MOK: variants seen among roughly 807,000 people sequenced by gnomAD.
MOK encodes MAPK/MAK/MRK overlapping kinase.
Under a neutral mutation model 54.2 loss-of-function variants are expected in MOK, and 59 were observed. The observed-to-expected ratio is 1.09, with a 90% CI of 0.88 to 1.35. The LOEUF (loss-of-function observed/expected upper bound fraction) is 1.35, where lower values mean the gene tolerates loss of function less well. Ranked by LOEUF, MOK falls within the 40% of genes most tolerant of loss-of-function variation. The probability of loss-of-function intolerance (pLI) is 0.00; values close to 1 mark genes in which losing one functional copy is unlikely to be tolerated. For missense variants in MOK, 517 were observed against 526.2 expected (o/e 0.98, Z 0.17); for synonymous variants, 210 against 202.7 (o/e 1.04, Z -0.31).
At chr14:102,234,566 C>T (rs1452264369) in intron 7 of MOK, among the ~76,000 whole-genome samples, 1 of 152,086 alleles carries the variant, frequency 6.6e-6, no homozygotes, top group Non-Finnish European at 1.5e-5. Flanking sequence ...GGAAAGGGGA[C>T]GTCACCGGCA....
chr14:102,300,937 A>C (rs1270153219), intron 1 of MOK, among the ~76,000 whole-genome samples: 1 of 152,088 alleles, frequency 6.6e-6, no homozygotes, highest in Non-Finnish European at 1.5e-5. Context: ...TCTCTACTCA[A>C]AATATAAAAA....
chr14:102,217,286 T>G, the MOK span, among the ~76,000 whole-genome samples: 1 of 152,192 alleles, frequency 6.6e-6, no homozygotes, highest in African/African-American at 2.4e-5. Context: ...GGGATCACGA[T>G]GAAGGCCCAC....
intron 2 of MOK, among the ~76,000 whole-genome samples, chr14:102,278,278 T>C (rs888923078): frequency 2.6e-5 from 4 of 151,834 alleles, no homozygotes; most frequent in Non-Finnish European, 4.4e-5. Context: ...GGTGGAGGTA[T>C]AGATTAAATA....
In MOK at chr14:102,232,172, C is replaced by T. The variant is rs890981900; in HGVS notation, c.867-351G>A. On this transcript the variant is annotated intron_variant, in intron 9 of 11. Transcript: ENST00000361847. This position sits in a 1 kb window ranked among gnomAD's most constrained non-coding sequence, Gnocchi z 5.1. ...ATTCACATTCAGCAGGTACTTCCAG[C>T]GCCAGGTGACATCCACAGTGCTCTA... is the stretch of plus-strand genomic sequence containing the variant. 6 of 328,902 alleles carry T rather than the reference C, an allele frequency of 1.8e-5. No individual in the cohort carries two copies. The highest frequency in any genetic ancestry group is 5.2e-5 in the East Asian group (1 of 19,260). The allele number at this position is 328,902 out of a possible 1,614,324, so 20.4% of individuals were successfully genotyped here. A position where few individuals can be genotyped will look rare whatever the true frequency, so the allele number is the denominator to read the frequency against.
intron 1 of MOK, among the ~76,000 whole-genome samples, chr14:102,295,970 G>GCAA (rs2071375719): frequency 6.6e-6 from 1 of 152,100 alleles, no homozygotes; most frequent in East Asian, 1.9e-4. Context: ...ACCTGGCTAG[G>GCAA]CATAGTGGCT....
At chr14:102,288,359 G>T (rs553809448) in intron 1 of MOK, among the ~76,000 whole-genome samples, 2 of 152,314 alleles carry the variant, frequency 1.3e-5, no homozygotes, top group African/African-American at 4.8e-5. Flanking sequence ...GCCATGAAAA[G>T]GAATGAAGTA....
intron 2 of MOK, chr14:102,280,868 C>T (rs991461464): frequency 6.6e-6 from 1 of 152,240 alleles, no homozygotes; most frequent in African/African-American, 2.4e-5. Context: ...GAGCGTTCTT[C>T]ACCCGCTAGA....
intron 4 of MOK, among the ~76,000 whole-genome samples, chr14:102,255,221 G>A (rs1013926782): frequency 2.0e-5 from 3 of 152,202 alleles, no homozygotes; most frequent in Admixed American, 2.0e-4. Flanking sequence ...GGGAGGCTGA[G>A]GCAGGAGAAT....
At chr14:102,237,857 C>T (rs768694452) in intron 7 of MOK, among the ~76,000 whole-genome samples, 26 of 152,226 alleles carry the variant, frequency 1.7e-4, no homozygotes, top group Admixed American at 5.2e-4. Flanking sequence ...AGGAAACTAA[C>T]ATTGAGTCAA....
intron 1 of MOK, among the ~76,000 whole-genome samples, chr14:102,289,370 G>A (rs1443974425): frequency 6.6e-6 from 1 of 152,114 alleles, no homozygotes; most frequent in Non-Finnish European, 1.5e-5. Flanking sequence ...ATTAATGGCA[G>A]AATATGCACG....
At chr14:102,255,945 C>T (rs1366401983) in intron 4 of MOK, among the ~76,000 whole-genome samples, 3 of 152,128 alleles carry the variant, frequency 2.0e-5, no homozygotes, top group Admixed American at 6.6e-5. Flanking sequence ...TAAGTGAACA[C>T]AGTGATAAAC....
intron 4 of MOK, among the ~76,000 whole-genome samples, chr14:102,259,633 C>T (rs1208536286): frequency 6.6e-6 from 1 of 152,276 alleles, no homozygotes; most frequent in African/African-American, 2.4e-5. Flanking sequence ...TAAGAACATG[C>T]ACTCTAGGAT....
At chr14:102,279,224 C>A (rs2069169483) in intron 2 of MOK, among the ~76,000 whole-genome samples, 1 of 152,040 alleles carries the variant, frequency 6.6e-6, no homozygotes, top group Admixed American at 6.6e-5. Context: ...TTTTAAGAGA[C>A]TCACTCCATT....
intron 1 of MOK, among the ~76,000 whole-genome samples, chr14:102,288,144 A>C (rs530183796): frequency 1.9e-4 from 29 of 152,164 alleles, no homozygotes; most frequent in Non-Finnish European, 3.5e-4. Flanking sequence ...TGAGATGTTA[A>C]ACAGAGTTAC....
downstream of MOK, chr14:102,222,853 G>C: frequency 1.2e-6 from 2 of 1,614,212 alleles, no homozygotes; most frequent in East Asian, 2.2e-5. The surrounding 1 kb of genome is among the most constrained non-coding windows in gnomAD (Gnocchi z 4.4). Context: ...CCCCAAGCCA[G>C]GCCAGTTCTC....
intron 1 of MOK, among the ~76,000 whole-genome samples, chr14:102,296,064 G>A (rs1473530812): frequency 6.6e-6 from 1 of 152,024 alleles, no homozygotes; most frequent in Non-Finnish European, 1.5e-5. Context: ...TGGCCAATAT[G>A]GTGAAACCGA....
intron 4 of MOK, among the ~76,000 whole-genome samples, chr14:102,263,229 CG>C (rs1698591024): frequency 6.6e-6 from 1 of 152,258 alleles, no homozygotes; most frequent in African/African-American, 2.4e-5. Context: ...CCTGAGCCAG[CG>C]GGCCTGCACA....
rs1301414007 is a variant in MOK at position 102,248,040 on chromosome 14, C to T, written c.590+2772G>A. 2.6e-5 allele frequency among the ~76,000 whole-genome samples: 4 copies of T among 152,208 alleles called. No individual in the cohort carries two copies. In the East Asian group the frequency reaches 7.7e-4, roughly 29 times the overall value. On this transcript the variant is annotated intron_variant, in intron 7 of 11. Coordinates refer to ENST00000361847, the MANE Select transcript of MOK (RefSeq NM_014226.3). ...TGCTGCTCCAAGAATACCAACAGCT[C>T]CAAGAACGGCAGTCCCTACTGTCCA... is the stretch of plus-strand genomic sequence containing the variant.
intron 1 of MOK, among the ~76,000 whole-genome samples, chr14:102,284,671 G>A (rs772905817): frequency 2.6e-5 from 4 of 152,136 alleles, no homozygotes; most frequent in African/African-American, 4.8e-5. Flanking sequence ...TCATCTTTGC[G>A]GCAGAGATCA....
Sources: allele counts gnomAD v4.1 joint callset (sites outside exome capture counted in the v4.1 genomes callset), GRCh38; gene constraint gnomAD v4.1.1; non-coding constraint Gnocchi (gnomAD v3.1); transcripts MANE v1.5; gene names NCBI Gene and HGNC (gene_info 2026-07-23, HGNC 2026-07-21).